The following C12orf50 variants were observed in gnomAD, a reference collection of about 807,000 sequenced individuals.
C12orf50 encodes the protein zinc finger CCCH-type containing 11D, also known as uncharacterized protein C12orf50.
Under a neutral mutation model 61.6 loss-of-function variants are expected in C12orf50, and 35 were observed. The observed-to-expected ratio is 0.57, with a 90% CI of 0.43 to 0.75. The LOEUF is 0.75. C12orf50 is among the 30% of genes least tolerant of loss of function. C12orf50 has a pLI of 0.00. For missense variants in C12orf50, 475 were observed against 488.5 expected (o/e 0.97, Z 0.26); for synonymous variants, 178 against 161.5 (o/e 1.10, Z -0.77).
intron 12 of C12orf50, among the ~76,000 whole-genome samples, chr12:87,980,992 T>C (rs1396936320): frequency 1.3e-5 from 2 of 152,188 alleles, no homozygotes; most frequent in African/African-American, 4.8e-5. Context: ...AATCTTTCTC[T>C]TCCTATTCTG....
intron 2 of C12orf50, 23 bp from the exon 3 acceptor site, chr12:88,026,631 AAATGT>A (rs1326599817): frequency 6.2e-7 from 1 of 1,610,190 alleles, no homozygotes; most frequent in South Asian, 1.1e-5. Context: ...AGATTGGGGG[AAATGT>A]AATGATTAGA....
chr12:88,026,985 T>A lies in C12orf50; in HGVS notation c.-23A>T. ...CATGTGTCTAAATCTGCAAAGTGGA[T>A]CTAAACATTTCCTCTCTCTCCATAA... On this transcript the variant is annotated 5_prime_UTR_variant, in exon 2 of 13. Transcript: ENST00000298699. 1 of 1,613,962 alleles carries A rather than the reference T, an allele frequency of 6.2e-7. No individual in the cohort carries two copies. The highest frequency in any genetic ancestry group is 8.5e-7 in the Non-Finnish European group (1 of 1,179,974).
At chr12:87,983,910 T>G in intron 11 of C12orf50, 1 of 107,932 alleles carries the variant, frequency 9.3e-6, no homozygotes, top group Non-Finnish European at 2.4e-5. Flanking sequence ...TACCCAGTAA[T>G]GGGATGGCTG....
At chr12:88,018,189 G>C (rs1209606366) in intron 3 of C12orf50, among the ~76,000 whole-genome samples, 1 of 152,202 alleles carries the variant, frequency 6.6e-6, no homozygotes, top group Non-Finnish European at 1.5e-5. Flanking sequence ...TAGGCCCAGG[G>C]TCCCCATGCT....
intron 12 of C12orf50, 134 bp downstream of exon 12, chr12:87,982,969 T>G: frequency 2.2e-6 from 1 of 450,006 alleles, no homozygotes. Context: ...TCTACTAAAC[T>G]CCAAGTAATT....
chr12:88,007,813 T>C (rs889294923), intron 3 of C12orf50, among the ~76,000 whole-genome samples: 1 of 152,168 alleles, frequency 6.6e-6, no homozygotes, highest in African/African-American at 2.4e-5. Flanking sequence ...TAATTATCAA[T>C]ATTTGTAATG....
chr12:87,996,564 C>T lies in C12orf50; in HGVS notation c.367+5G>A. On this transcript the variant is annotated splice_donor_5th_base_variant and intron_variant, in intron 5 of 12. Coordinates refer to ENST00000298699, the MANE Select transcript of C12orf50 (RefSeq NM_152589.3). ...TAGAAAATACAAAAATGTTTGATTT[C>T]TTACCAGATTTATAACACATCTCCT... 6.2e-7 allele frequency: 1 copy of T among 1,605,344 alleles called. No individual in the cohort carries two copies. The highest frequency in any genetic ancestry group is 1.1e-5 in the South Asian group (1 of 90,732).
chr12:88,008,431 T>C (rs2031974588), intron 3 of C12orf50, among the ~76,000 whole-genome samples: 1 of 152,186 alleles, frequency 6.6e-6, no homozygotes, highest in African/African-American at 2.4e-5. Context: ...TTCTATGGTG[T>C]ATATGTATTA....
chr12:87,994,730 T>C lies in C12orf50; in HGVS notation c.495A>G (p.Thr165=), dbSNP rs1298562199. The C allele has an allele frequency of 6.2e-7, 1 of 1,608,960 alleles. No homozygotes were observed. The highest frequency in any genetic ancestry group is 1.1e-5 in the South Asian group (1 of 90,860). ...GSELQEGDSL[T]VPTKLSQYER... ...CATATTGGCTAAGTTTTGTCGGAAC[T>C]GTAAGACTATCTCCTAGAAATAAGA... The change falls in exon 7 of 13, where the codon ACA becomes ACG. Residue 165 remains threonine, a synonymous_variant. Coordinates refer to ENST00000298699, the MANE Select transcript of C12orf50 (RefSeq NM_152589.3).
intron 3 of C12orf50, among the ~76,000 whole-genome samples, chr12:88,006,125 C>T (rs560464507): frequency 6.6e-6 from 1 of 152,130 alleles, no homozygotes; most frequent in African/African-American, 2.4e-5. Context: ...ACCGTGTTAG[C>T]TGGGATGGTC....
chr12:87,980,232 A>G lies in C12orf50; in HGVS notation c.*99T>C, dbSNP rs2030388755. 7 of 1,167,956 alleles carry G rather than the reference A, an allele frequency of 6.0e-6. No individual in the cohort carries two copies. The Admixed American group carries it at 1.3e-4, about 22-fold the overall frequency. The allele number at this position is 1,167,956 out of a possible 1,614,324, so 72.3% of individuals were successfully genotyped here. A position where few individuals can be genotyped will look rare whatever the true frequency, so the allele number is the denominator to read the frequency against. The stretch of plus-strand genomic sequence containing the variant: ...TTTGGCTATCCACTACATAACATGG[A>G]GTACTTGAGTATCTCATTCTTTGAA... On this transcript the variant is annotated 3_prime_UTR_variant, in exon 13 of 13. Transcript: ENST00000298699.
chr12:88,014,217 G>A (rs2032220403), intron 3 of C12orf50, among the ~76,000 whole-genome samples: 1 of 152,028 alleles, frequency 6.6e-6, no homozygotes, highest in Non-Finnish European at 1.5e-5. Flanking sequence ...CTGATGCATG[G>A]GTCATTCAAA....
At chr12:88,022,838 G>A (rs544094915) in intron 3 of C12orf50, among the ~76,000 whole-genome samples, 115 of 152,128 alleles carry the variant, frequency 7.6e-4, no homozygotes, top group African/African-American at 2.7e-3. Context: ...ACAAAACACT[G>A]CCCAAAGAAA....
chr12:87,983,141 A>C lies in C12orf50; in HGVS notation c.1181T>G (p.Phe394Cys). Residue 394 changes from phenylalanine to cysteine, a missense_variant, in exon 12 of 13, where the codon TTT (phenylalanine) becomes TGT (cysteine). Transcript: ENST00000298699. ...TTCACTTTTTGAATATGTTTTTGAAAAAGGAATTCGTTTTCGCCAGGCTGA... is the reference window on the plus strand; with the variant it reads ...TTCACTTTTTGAATATGTTTTTGAACAAGGAATTCGTTTTCGCCAGGCTGA... Reference protein sequence around the residue: ...NDSAWRKRIPFSKTYSKSEKI... With the variant: ...NDSAWRKRIPCSKTYSKSEKI... 6.2e-7 allele frequency: 1 copy of C among 1,605,838 alleles called. No homozygotes were observed. The highest frequency in any genetic ancestry group is 8.5e-7 in the Non-Finnish European group (1 of 1,174,524).
intron 3 of C12orf50, among the ~76,000 whole-genome samples, chr12:88,002,005 G>A (rs1017118991): frequency 6.6e-6 from 1 of 151,232 alleles, no homozygotes; most frequent in South Asian, 2.1e-4. Flanking sequence ...ATTAATTCCT[G>A]CTTTAATTTT....
chr12:88,006,140 T>A lies in C12orf50; in HGVS notation c.134-7950A>T, dbSNP rs529231449. On this transcript the variant is annotated intron_variant, in intron 3 of 12. Transcript: ENST00000298699. ...ACCGTGTTAGCTGGGATGGTCTCGA[T>A]CTCCTGACCTCGTGATCCGCCCACA... Among the ~76,000 whole-genome samples, 4 of 152,066 alleles carry A rather than the reference T, an allele frequency of 2.6e-5. No individual in the cohort carries two copies. The East Asian group carries it at 7.8e-4, about 30-fold the overall frequency.
At chr12:87,980,405 A>G (rs2030398437) in intron 12 of C12orf50, 49 bp from the exon 13 acceptor site, 1 of 1,477,172 alleles carries the variant, frequency 6.8e-7, no homozygotes, top group Non-Finnish European at 9.4e-7. Flanking sequence ...TGTTTAGCGC[A>G]CTGATATTTT....
chr12:88,002,940 T>C (rs1302976942), intron 3 of C12orf50, among the ~76,000 whole-genome samples: 1 of 151,844 alleles, frequency 6.6e-6, no homozygotes, highest in Non-Finnish European at 1.5e-5. Flanking sequence ...ATATAAGAGG[T>C]TACTCCTATA....
chr12:88,022,788 C>A (rs1435793706), intron 3 of C12orf50, among the ~76,000 whole-genome samples: 1 of 152,072 alleles, frequency 6.6e-6, no homozygotes, highest in Non-Finnish European at 1.5e-5. Context: ...TCTAGGAATA[C>A]AGCTAACCAG....
Sources: gnomAD v4.1 joint callset for allele counts (sites outside exome capture counted in the v4.1 genomes callset) on GRCh38, gnomAD v4.1.1 for gene constraint, MANE v1.5 for transcripts, NCBI Gene and HGNC (gene_info 2026-07-23, HGNC 2026-07-21) for gene names.